The following ITGBL1 variants were observed in gnomAD, a reference collection of about 807,000 sequenced individuals.
ITGBL1 encodes integrin beta-like protein 1.
In ITGBL1, 51 loss-of-function variants were observed where a neutral mutation model predicts 68.5. The observed-to-expected ratio is 0.74, with a 90% confidence interval of 0.59 to 0.94. The LOEUF (loss-of-function observed/expected upper bound fraction) is 0.94, where lower values mean the gene tolerates loss of function less well. Among genes scored for constraint, ITGBL1 ranks in the 40% least tolerant of loss-of-function variants. The pLI, the probability that ITGBL1 is intolerant of heterozygous loss-of-function variation, is 0.00. For missense variants in ITGBL1, 649 were observed against 647.4 expected (o/e 1.00, Z -0.03); for synonymous variants, 209 against 227.3 (o/e 0.92, Z 0.72).
At chr13:101,655,152 G>C (rs1405430120) in intron 7 of ITGBL1, among the ~76,000 whole-genome samples, 1 of 152,214 alleles carries the variant, frequency 6.6e-6, no homozygotes, top group Non-Finnish European at 1.5e-5. Flanking sequence ...TAAAAGCAAA[G>C]TGTGCCATGA....
chr13:101,576,679 G>A (rs1206762072), intron 4 of ITGBL1, among the ~76,000 whole-genome samples: 3 of 152,130 alleles, frequency 2.0e-5, no homozygotes. Context: ...TTACATTTCG[G>A]TAGCTTCAAT....
At chr13:101,608,433 C>CATT (rs1217779679) in intron 7 of ITGBL1, among the ~76,000 whole-genome samples, 3 of 151,070 alleles carry the variant, frequency 2.0e-5, no homozygotes, top group Admixed American at 1.3e-4. Context: ...ACAGCTGAAT[C>CATT]ATTACCTTTC....
chr13:101,603,379 G>A (rs970874027), intron 7 of ITGBL1, among the ~76,000 whole-genome samples: 1 of 151,882 alleles, frequency 6.6e-6, no homozygotes, highest in Admixed American at 6.6e-5. Context: ...GGAGGAGTAG[G>A]ATATGGGTAT....
intron 2 of ITGBL1, among the ~76,000 whole-genome samples, chr13:101,513,536 T>G (rs1367162845): frequency 1.3e-5 from 2 of 152,114 alleles, no homozygotes; most frequent in Non-Finnish European, 2.9e-5. Flanking sequence ...AAAAATTTTA[T>G]CCAACGTATT....
intron 9 of ITGBL1, 109 bp downstream of exon 9, chr13:101,707,011 C>A: frequency 1.8e-6 from 2 of 1,140,550 alleles, no homozygotes; most frequent in South Asian, 1.5e-5. Context: ...GAAAGCAAAC[C>A]ACTATGTCCT....
At chr13:101,525,906 C>G (rs1415776648) in intron 2 of ITGBL1, among the ~76,000 whole-genome samples, 1 of 151,978 alleles carries the variant, frequency 6.6e-6, no homozygotes, top group Non-Finnish European at 1.5e-5. Context: ...TCTCTTCTCT[C>G]TATTTTTCCA....
At chr13:101,479,459 G>A (rs976000100) in intron 2 of ITGBL1, among the ~76,000 whole-genome samples, 1 of 151,954 alleles carries the variant, frequency 6.6e-6, no homozygotes, top group African/African-American at 2.4e-5. Flanking sequence ...TGGACAAATG[G>A]GATCACATCA....
At chr13:101,586,323 T>C (rs1339323455) in intron 6 of ITGBL1, among the ~76,000 whole-genome samples, 1 of 152,168 alleles carries the variant, frequency 6.6e-6, no homozygotes, top group East Asian at 1.9e-4. Context: ...CAAGAAAACA[T>C]CAATCTATTA....
chr13:101,466,442 A>G lies in ITGBL1; in HGVS notation c.316+12342A>G, dbSNP rs528705945. Among the ~76,000 whole-genome samples, 97 of 152,298 alleles carry G rather than the reference A, an allele frequency of 6.4e-4. 1 individual carries two copies. Among genetic ancestry groups the G allele is most frequent in the Non-Finnish European group, 8.8e-5 (6 of 68,030 alleles). On this transcript the variant is annotated intron_variant, in intron 2 of 10. Transcript: ENST00000376180. Reference sequence around the variant, plus strand: ...TGAACACACATTGAGGGTATATACTATAGGTATCAAATCTAAATTTTGGCT... The same window carrying G: ...TGAACACACATTGAGGGTATATACTGTAGGTATCAAATCTAAATTTTGGCT...
intron 7 of ITGBL1, among the ~76,000 whole-genome samples, chr13:101,651,514 GTTGT>G (rs1357521491): frequency 2.0e-5 from 3 of 152,086 alleles, no homozygotes; most frequent in Admixed American, 1.3e-4. Context: ...TTTTAATGGG[GTTGT>G]TTGTTTTTTT....
chr13:101,719,566 A>AATCT (rs1555368929), downstream of ITGBL1: 1 of 152,138 alleles, frequency 6.6e-6, no homozygotes, highest in Non-Finnish European at 1.5e-5. Flanking sequence ...TTTAAAAAGC[A>AATCT]ATCTTATATT....
intron 2 of ITGBL1, among the ~76,000 whole-genome samples, chr13:101,553,717 G>A (rs544858670): frequency 6.6e-6 from 1 of 151,622 alleles, no homozygotes; most frequent in South Asian, 2.1e-4. Flanking sequence ...TAGACACATT[G>A]CCCCGATCCC....
intron 4 of ITGBL1, among the ~76,000 whole-genome samples, chr13:101,578,911 T>G (rs1175927532): frequency 2.6e-5 from 4 of 152,212 alleles, no homozygotes; most frequent in Non-Finnish European, 4.4e-5. Flanking sequence ...TGATTTCAAA[T>G]GAAATATTTT....
intron 3 of ITGBL1, among the ~76,000 whole-genome samples, chr13:101,569,066 ACAC>A: frequency 7.5e-6 from 1 of 133,282 alleles, no homozygotes; most frequent in South Asian, 2.4e-4. Context: ...ACACACACAC[ACAC>A]ACTTCTCTAC....
chr13:101,469,503 T>C (rs1048491868), intron 2 of ITGBL1, among the ~76,000 whole-genome samples: 3 of 152,172 alleles, frequency 2.0e-5, no homozygotes, highest in African/African-American at 7.2e-5. Flanking sequence ...CCAACATGGG[T>C]GAAACCCTGT....
At chr13:101,498,061 A>G (rs1210946345) in intron 2 of ITGBL1, among the ~76,000 whole-genome samples, 1 of 152,054 alleles carries the variant, frequency 6.6e-6, no homozygotes, top group Non-Finnish European at 1.5e-5. Flanking sequence ...ATTCAGTTTT[A>G]TGATTTGGTA....
chr13:101,653,171 AGAG>A (rs887663147), intron 7 of ITGBL1, among the ~76,000 whole-genome samples: 4 of 151,036 alleles, frequency 2.6e-5, no homozygotes, highest in Non-Finnish European at 5.9e-5. Flanking sequence ...GAAACAAAGA[AGAG>A]AAGAAGAGGA....
intron 2 of ITGBL1, among the ~76,000 whole-genome samples, chr13:101,460,289 T>G (rs962673208): frequency 2.6e-5 from 4 of 152,186 alleles, no homozygotes; most frequent in Non-Finnish European, 5.9e-5. Context: ...AGTAAATAAA[T>G]GTCTGTAACA....
In ITGBL1 at chr13:101,628,036, G is replaced by A. The variant is rs557776259; in HGVS notation, c.1015+29737G>A. 7.3e-5 allele frequency among the ~76,000 whole-genome samples: 11 copies of A among 151,450 alleles called. No individual in the cohort carries two copies. The East Asian group carries it at 2.1e-3, about 29-fold the overall frequency. On this transcript the variant is annotated intron_variant, in intron 7 of 10. Transcript: ENST00000376180. ...AAACTGCTGAACTGTCTTCCAAAGAGGCTGTAGCATTTTGCATTCCCACCA... is the reference window on the plus strand; with the variant it reads ...AAACTGCTGAACTGTCTTCCAAAGAAGCTGTAGCATTTTGCATTCCCACCA...
Sources: allele counts gnomAD v4.1 joint callset (sites outside exome capture counted in the v4.1 genomes callset), GRCh38; gene constraint gnomAD v4.1.1; transcripts MANE v1.5; gene names NCBI Gene and HGNC (gene_info 2026-07-23, HGNC 2026-07-21).